PRKG1: variants seen among roughly 807,000 people sequenced by gnomAD.
The protein encoded by PRKG1 is protein kinase cGMP-dependent 1.
PRKG1 carries 35 observed loss-of-function variants against 88.1 expected under a neutral mutation model. That is an observed-to-expected ratio of 0.40 (90% CI 0.30 to 0.53). PRKG1 has a LOEUF of 0.53. PRKG1 is among the 20% of genes least tolerant of loss of function. The probability of loss-of-function intolerance (pLI) is 0.59; values close to 1 mark genes in which losing one functional copy is unlikely to be tolerated. For synonymous variants in PRKG1, 303 were observed against 292.5 expected (o/e 1.04, Z -0.37); for missense variants, 540 against 839.8 (o/e 0.64, Z 4.41).
intron 1 of PRKG1, among the ~76,000 whole-genome samples, chr10:51,099,922 A>C (rs1308216487): frequency 1.3e-5 from 2 of 152,002 alleles, no homozygotes. Flanking sequence ...TTGAGACAAG[A>C]TCTTGTTCTG....
At chr10:51,663,560 C>G (rs1589171952) in intron 3 of PRKG1, among the ~76,000 whole-genome samples, 1 of 150,818 alleles carries the variant, frequency 6.6e-6, no homozygotes, top group Non-Finnish European at 1.5e-5. Context: ...AAAAAAAAAA[C>G]TAAAAAATTA....
At chr10:51,827,729 C>T (rs1036933970) in intron 4 of PRKG1, among the ~76,000 whole-genome samples, 1 of 152,034 alleles carries the variant, frequency 6.6e-6, no homozygotes, top group Admixed American at 6.6e-5. Context: ...TACTTTCTAA[C>T]TGGAAAAATG....
At chr10:51,124,859 T>C (rs1845357885) in intron 1 of PRKG1, among the ~76,000 whole-genome samples, 1 of 152,174 alleles carries the variant, frequency 6.6e-6, no homozygotes, top group Non-Finnish European at 1.5e-5. Flanking sequence ...GCAAAACTAC[T>C]CAGAAATAGC....
chr10:51,449,502 T>G (rs1199681739), intron 2 of PRKG1, among the ~76,000 whole-genome samples: 1 of 148,124 alleles, frequency 6.8e-6, no homozygotes, highest in Non-Finnish European at 1.5e-5. Flanking sequence ...ACCAAGGACT[T>G]CAAAGTCTGT....
At chr10:51,908,646 CT>C (rs1374441134) in intron 5 of PRKG1, 2 of 151,414 alleles carry the variant, frequency 1.3e-5, no homozygotes, top group Admixed American at 6.6e-5. Flanking sequence ...ATAGTGGTGA[CT>C]TTGTTCACTG....
intron 7 of PRKG1, among the ~76,000 whole-genome samples, chr10:52,085,744 A>G (rs998960088): frequency 2.0e-5 from 3 of 152,132 alleles, no homozygotes; most frequent in African/African-American, 7.2e-5. Context: ...AATGTAGGAA[A>G]TTTGTGTGTG....
chr10:52,047,258 G>A (rs991149104), intron 5 of PRKG1, among the ~76,000 whole-genome samples: 3 of 152,152 alleles, frequency 2.0e-5, no homozygotes, highest in African/African-American at 7.2e-5. Context: ...CCTGAATGAA[G>A]TTATCTGTTA....
At chr10:51,048,896 A>G (rs1023015142) in intron 1 of PRKG1, among the ~76,000 whole-genome samples, 12 of 152,056 alleles carry the variant, frequency 7.9e-5, no homozygotes, top group African/African-American at 2.9e-4. Flanking sequence ...GTTACCATGC[A>G]CCGCATGTCA....
At chr10:51,001,414 A>G (rs891310523) in intron 1 of PRKG1, among the ~76,000 whole-genome samples, 1 of 152,216 alleles carries the variant, frequency 6.6e-6, no homozygotes, top group Admixed American at 6.5e-5. Context: ...AATTTGGAAA[A>G]AGTTTGGAAG....
At chr10:51,221,403 GT>G (rs1369628072) in intron 2 of PRKG1, among the ~76,000 whole-genome samples, 1 of 151,870 alleles carries the variant, frequency 6.6e-6, no homozygotes, top group East Asian at 1.9e-4. Flanking sequence ...TATTTAAGAT[GT>G]GCACAAATTA....
chr10:51,814,128 A>C (rs1359352003), intron 4 of PRKG1, among the ~76,000 whole-genome samples: 1 of 152,190 alleles, frequency 6.6e-6, no homozygotes, highest in East Asian at 1.9e-4. Flanking sequence ...TTCCTCAAGC[A>C]CAGGTTGTAG....
chr10:51,462,387 GA>G (rs989213675), intron 2 of PRKG1, among the ~76,000 whole-genome samples: 1 of 152,164 alleles, frequency 6.6e-6, no homozygotes, highest in African/African-American at 2.4e-5. Context: ...AGAGGTTAGT[GA>G]AAAACTCATA....
intron 3 of PRKG1, among the ~76,000 whole-genome samples, chr10:51,653,529 T>A (rs553616949): frequency 6.6e-6 from 1 of 152,160 alleles, no homozygotes; most frequent in Non-Finnish European, 1.5e-5. Context: ...AAATATCTGT[T>A]CAAGTCCTTT....
intron 4 of PRKG1, among the ~76,000 whole-genome samples, chr10:51,878,777 C>A (rs1564689482): frequency 6.6e-6 from 1 of 152,156 alleles, no homozygotes; most frequent in Non-Finnish European, 1.5e-5. Context: ...TTGGTGAATT[C>A]CAAATGAGCT....
intron 9 of PRKG1, among the ~76,000 whole-genome samples, chr10:52,245,123 C>G (rs1840991489): frequency 6.6e-6 from 1 of 151,554 alleles, no homozygotes; most frequent in Non-Finnish European, 1.5e-5. Context: ...AATGTTCATT[C>G]AGTACATGGC....
At chr10:51,900,116 C>T in intron 4 of PRKG1, among the ~76,000 whole-genome samples, 1 of 152,102 alleles carries the variant, frequency 6.6e-6, no homozygotes, top group East Asian at 1.9e-4. Flanking sequence ...GTAAATTACC[C>T]AGCCTTAGGT....
chr10:51,314,306 A>G (rs1365096741), intron 2 of PRKG1, among the ~76,000 whole-genome samples: 1 of 152,154 alleles, frequency 6.6e-6, no homozygotes, highest in East Asian at 1.9e-4. Flanking sequence ...ATATGATCAC[A>G]TGCTGTCTGT....
chr10:51,530,952 A>G (rs767618117), intron 3 of PRKG1, among the ~76,000 whole-genome samples: 15 of 152,158 alleles, frequency 9.9e-5, no homozygotes, highest in Non-Finnish European at 2.1e-4. Context: ...ATTGCAATAA[A>G]TTTCTATTTT....
chr10:51,433,990 T>C (rs1336539801), intron 2 of PRKG1, among the ~76,000 whole-genome samples: 1 of 152,114 alleles, frequency 6.6e-6, no homozygotes, highest in Non-Finnish European at 1.5e-5. Context: ...TTTAAGGGAC[T>C]TTCCTAGGTG....
Sources: gnomAD v4.1 joint callset for allele counts (sites outside exome capture counted in the v4.1 genomes callset) on GRCh38, gnomAD v4.1.1 for gene constraint, MANE v1.5 for transcripts, NCBI Gene and HGNC (gene_info 2026-07-23, HGNC 2026-07-21) for gene names.